The following UBR4 variants were observed in gnomAD, a reference collection of about 807,000 sequenced individuals.
UBR4 encodes E3 ubiquitin-protein ligase UBR4.
A neutral mutation model predicts 575.6 loss-of-function variants in UBR4; 124 were observed. That is an observed-to-expected ratio of 0.22 (90% CI 0.19 to 0.25). UBR4 has a LOEUF of 0.25. UBR4 is among the 10% of genes least tolerant of loss of function. The probability of loss-of-function intolerance (pLI) is 1.00; values close to 1 mark genes in which losing one functional copy is unlikely to be tolerated. For synonymous variants in UBR4, 2,455 were observed against 2,473.7 expected (o/e 0.99, Z 0.22); for missense variants, 4,818 against 6,478.8 (o/e 0.74, Z 8.80).
intron 1 of UBR4, among the ~76,000 whole-genome samples, chr1:19,208,436 C>T (rs1368916340): frequency 1.6e-5 from 2 of 127,084 alleles, no homozygotes; most frequent in East Asian, 4.8e-4. Flanking sequence ...CACTGCATTC[C>T]AGCCTGGGTG....
At chr1:19,081,218 G>T in intron 103 of UBR4, 131 bp downstream of exon 103, 1 of 785,222 alleles carries the variant, frequency 1.3e-6, no homozygotes, top group East Asian at 2.5e-5. Flanking sequence ...AGACTGAGAA[G>T]GGAGAAGGGC....
At chr1:19,148,746 C>G in intron 49 of UBR4, 120 bp from the exon 50 acceptor site, 1 of 1,076,120 alleles carries the variant, frequency 9.3e-7, no homozygotes, top group Non-Finnish European at 1.4e-6. Context: ...AATACAAAAT[C>G]AAAGCACAAT....
At chr1:19,109,978 C>G in intron 81 of UBR4, 118 bp downstream of exon 81, 1 of 1,487,644 alleles carries the variant, frequency 6.7e-7, no homozygotes, top group Non-Finnish European at 9.2e-7. Flanking sequence ...ACTGGAGCCT[C>G]TCAGGGGAGG....
At chr1:19,095,708 G>A (rs1290021739) in intron 92 of UBR4, 56 bp from the exon 93 acceptor site, 7 of 1,535,148 alleles carry the variant, frequency 4.6e-6, no homozygotes, top group Non-Finnish European at 6.3e-6. Context: ...TAGGACATGG[G>A]GGCCAGTAGG....
rs1007741851 is a variant in UBR4 at position 19,100,207 on chromosome 1, C to A, written c.13221+169G>T. On this transcript the variant is annotated intron_variant, in intron 89 of 105. Transcript: ENST00000375254. This position sits in a 1 kb window ranked among gnomAD's most constrained non-coding sequence, Gnocchi z 4.2. ...CCTTTACAGGTTATTAACCTTAGCA[C>A]TAGGTGAGGTAGAAAGGTGGGAATC... The A allele has an allele frequency of 3.0e-6, 2 of 673,626 alleles. No individual in the cohort carries two copies. The highest frequency in any genetic ancestry group is 5.1e-6 in the Non-Finnish European group (2 of 392,932). 41.7% of individuals were successfully genotyped at this position (673,626 alleles called of 1,614,324 possible).
chr1:19,084,092 T>C (rs1320649115), intron 102 of UBR4, among the ~76,000 whole-genome samples: 2 of 152,204 alleles, frequency 1.3e-5, no homozygotes, highest in Admixed American at 6.5e-5. Flanking sequence ...TGTAACAATC[T>C]ATATGCCCTT....
intron 60 of UBR4, among the ~76,000 whole-genome samples, chr1:19,134,451 A>C (rs1357117154): frequency 5.9e-5 from 9 of 152,154 alleles, no homozygotes; most frequent in Non-Finnish European, 1.3e-4. Context: ...AGAATAAGTA[A>C]ACTAAGAAAG....
chr1:19,160,345 T>C (rs946419), intron 38 of UBR4, 64 bp from the exon 39 acceptor site: 877,398 of 1,400,458 alleles, frequency 0.63, 279,239 homozygotes, highest in East Asian at 0.83. Context: ...GGATAATACT[T>C]GTAAAAATCA....
Position 19,122,942 on chromosome 1 carries a change from T to C in UBR4, c.9707A>G (p.His3236Arg), listed in dbSNP as rs779636951. ...QLRDLHTLDS[H>R]VRGIKKLLEE... ...TAGCAGCTTCTTGATCCCACGCACG[T>C]GAGAGTCCAGGGTGTGCAAATCCCG... The change falls in exon 66 of 106, where the codon CAC (histidine) becomes CGC (arginine). Residue 3236 changes from histidine to arginine, a missense_variant. Coordinates refer to ENST00000375254, the MANE Select transcript of UBR4 (RefSeq NM_020765.3). 2.5e-6 allele frequency: 4 copies of C among 1,614,004 alleles called. No individual in the cohort carries two copies. The highest frequency in any genetic ancestry group is 3.4e-6 in the Non-Finnish European group (4 of 1,180,028).
At chr1:19,163,686 C>A (rs531147449) in intron 34 of UBR4, 78 bp downstream of exon 34, 85 of 1,479,158 alleles carry the variant, frequency 5.7e-5, no homozygotes, top group Non-Finnish European at 7.4e-5. Flanking sequence ...TCAATAGGAA[C>A]GAGAGACTTC....
chr1:19,175,230 A>AC (rs1269234055), intron 20 of UBR4, among the ~76,000 whole-genome samples, 197 bp from the exon 21 acceptor site: 1 of 152,106 alleles, frequency 6.6e-6, no homozygotes, highest in Non-Finnish European at 1.5e-5. Flanking sequence ...CCTGGCCTCT[A>AC]CCCCCTGAAT....
Position 19,107,509 on chromosome 1 carries a change from G to C in UBR4, c.12106-543C>G, listed in dbSNP as rs1029032653. The stretch of plus-strand genomic sequence containing the variant: ...TTAAAAACTAAAACTGGCCGGGCGC[G>C]GTGACTCACGCCTATAATCCCAGCA... On this transcript the variant is annotated intron_variant, in intron 81 of 105. Transcript: ENST00000375254. Among the ~76,000 whole-genome samples the C allele has an allele frequency of 3.9e-5, 6 of 152,110 alleles. No homozygotes were observed. In the East Asian group the frequency reaches 9.6e-4, roughly 24 times the overall value.
At chr1:19,106,439 G>A in intron 83 of UBR4, 130 bp downstream of exon 83, 1 of 1,259,986 alleles carries the variant, frequency 7.9e-7, no homozygotes, top group Non-Finnish European at 1.0e-6. Flanking sequence ...CTCCCTATTT[G>A]AAAGGAAGCA....
At chr1:19,084,795 T>G in intron 101 of UBR4, 97 bp from the exon 102 acceptor site, 1 of 1,213,530 alleles carries the variant, frequency 8.2e-7, no homozygotes, top group Non-Finnish European at 1.1e-6. Context: ...CCAGGCCTGA[T>G]GGCTGCAAAG....
At chr1:19,119,061 C>A (rs1360085989) in intron 70 of UBR4, 104 bp from the exon 71 acceptor site, 2 of 940,108 alleles carry the variant, frequency 2.1e-6, no homozygotes, top group East Asian at 5.1e-5. Flanking sequence ...CCTAGACCTA[C>A]CAGACTTCTC....
chr1:19,119,424 C>T, intron 70 of UBR4, 133 bp downstream of exon 70: 1 of 1,280,972 alleles, frequency 7.8e-7, no homozygotes, highest in Non-Finnish European at 1.1e-6. Context: ...CCAAGAAATG[C>T]AAAACTAGAT....
chr1:19,117,368 G>C lies in UBR4; in HGVS notation c.10676C>G (p.Thr3559Ser). The part of the protein sequence containing the change: ...SIKVDTRYTT[T>S]QQVVKLIGSH... ...GCCAATGAGCTTCACAACCTGCTGG[G>C]TGGTGGTGTACCGCGTGTCCACTTT... The change falls in exon 73 of 106, where the codon ACC (threonine) becomes AGC (serine). Residue 3559 changes from threonine to serine, a missense_variant. Physicochemically the swap from Thr to Ser is moderately conservative, Grantham distance 58. Around this residue, in one of 29 missense-constraint regions of UBR4, gnomAD observed 550 missense variants for 791.5 expected, o/e 0.69. Transcript: ENST00000375254. The surrounding 1 kb of genome is among the most constrained non-coding windows in gnomAD (Gnocchi z 4.0). 6.2e-7 allele frequency: 1 copy of C among 1,614,182 alleles called. No homozygotes were observed. The highest frequency in any genetic ancestry group is 8.5e-7 in the Non-Finnish European group (1 of 1,180,042).
In UBR4 at chr1:19,164,246, A is replaced by T; in HGVS notation, c.4700+7T>A. 2 of 1,608,896 alleles carry T rather than the reference A, an allele frequency of 1.2e-6. No homozygotes were observed. Among genetic ancestry groups the T allele is most frequent in the Admixed American group, 1.7e-5 (1 of 59,678 alleles). The stretch of plus-strand genomic sequence containing the variant: ...TGTAACCTACAGATACAACTTCATC[A>T]TCTTACCATCTGCTCAGCCAATCCA... On this transcript the variant is annotated splice_region_variant and intron_variant, in intron 33 of 105. Transcript: ENST00000375254.
intron 28 of UBR4, among the ~76,000 whole-genome samples, chr1:19,167,720 T>TG (rs1356807155): frequency 1.3e-5 from 2 of 152,210 alleles, no homozygotes; most frequent in African/African-American, 4.8e-5. Context: ...TGGAGAAACG[T>TG]TATCAAATAA....
Sources: allele counts gnomAD v4.1 joint callset (sites outside exome capture counted in the v4.1 genomes callset), GRCh38; gene constraint gnomAD v4.1.1; regional missense constraint gnomAD v4.1.1; non-coding constraint Gnocchi (gnomAD v3.1); transcripts MANE v1.5; gene names NCBI Gene and HGNC (gene_info 2026-07-23, HGNC 2026-07-21).